The following EDC3 variants were observed in gnomAD, a reference collection of about 807,000 sequenced individuals.
EDC3 encodes enhancer of mRNA decapping 3, also known as enhancer of mRNA-decapping protein 3.
EDC3 carries 20 observed loss-of-function variants against 41.8 expected under a neutral mutation model. The ratio of observed to expected loss-of-function variants is 0.48; its 90% CI spans 0.34 to 0.70. The LOEUF (loss-of-function observed/expected upper bound fraction) is 0.70. Ranked by LOEUF, EDC3 falls within the 30% of genes least tolerant of loss-of-function variation. The probability of loss-of-function intolerance (pLI) is 0.01; values close to 1 mark genes in which losing one functional copy is unlikely to be tolerated. For missense variants in EDC3, 444 were observed against 636.8 expected (o/e 0.70, Z 3.26); for synonymous variants, 206 against 243.2 (o/e 0.85, Z 1.42).
chr15:74,648,159 ATTC>A (rs1313769116), intron 4 of EDC3, among the ~76,000 whole-genome samples: 7 of 152,348 alleles, frequency 4.6e-5, no homozygotes, highest in Admixed American at 1.3e-4. Flanking sequence ...TCCAGGTAAA[ATTC>A]TTCAGTGGCA....
At chr15:74,654,253 C>CAA (rs61594463) in intron 4 of EDC3, among the ~76,000 whole-genome samples, 16 of 96,694 alleles carry the variant, frequency 1.7e-4, no homozygotes, top group South Asian at 1.2e-3. Flanking sequence ...GACTTCGTCT[C>CAA]AAAAAAAAAA....
intron 2 of EDC3, among the ~76,000 whole-genome samples, chr15:74,673,837 C>CAAAAA (rs748537794): frequency 1.1e-4 from 5 of 47,248 alleles, no homozygotes; most frequent in Non-Finnish European, 1.4e-4. Context: ...GAGACTCCAT[C>CAAAAA]AAAAAAAAAA....
Position 74,654,437 on chromosome 15 carries a change from G to A in EDC3, c.820+1296C>T, listed in dbSNP as rs185691998. 2.1e-3 allele frequency among the ~76,000 whole-genome samples: 313 copies of A among 152,284 alleles called. 2 individuals carry two copies. The highest frequency in any genetic ancestry group is 6.8e-3 in the Middle Eastern group (2 of 294). ...CAGAGGTAGATAGTTGGCTGATCTGGAGGAGTACCAGACTTAACAGATGAT... is the reference window on the plus strand; with the variant it reads ...CAGAGGTAGATAGTTGGCTGATCTGAAGGAGTACCAGACTTAACAGATGAT... On this transcript the variant is annotated intron_variant, in intron 4 of 6. Coordinates refer to ENST00000315127, the MANE Select transcript of EDC3 (RefSeq NM_025083.5).
chr15:74,667,467 G>GA (rs1308720427), intron 3 of EDC3, among the ~76,000 whole-genome samples: 1 of 75,852 alleles, frequency 1.3e-5, no homozygotes, highest in Non-Finnish European at 2.6e-5. Flanking sequence ...GGAGGGGGTG[G>GA]AGGGAGGAGG....
chr15:74,632,326 C>T lies in EDC3; in HGVS notation c.*286G>A. The T allele has an allele frequency of 2.1e-6, 1 of 476,434 alleles. No individual in the cohort carries two copies. Among genetic ancestry groups the T allele is most frequent in the East Asian group, 3.9e-5 (1 of 25,784 alleles). The allele number at this position is 476,434 out of a possible 1,614,324, so 29.5% of individuals were successfully genotyped here. A position where few individuals can be genotyped will look rare whatever the true frequency, so the allele number is the denominator to read the frequency against. ...ACCTGAAACACAGTCTTGAGAGCTG[C>T]CTACGGCTGTAAACAAAGGCCCACC... is the stretch of plus-strand genomic sequence containing the variant. On this transcript the variant is annotated 3_prime_UTR_variant, in exon 7 of 7. Transcript: ENST00000315127. The surrounding 1 kb of genome is among the most constrained non-coding windows in gnomAD (Gnocchi z 4.0).
At chr15:74,681,642 T>C (rs527940723) in intron 1 of EDC3, among the ~76,000 whole-genome samples, 1 of 152,298 alleles carries the variant, frequency 6.6e-6, no homozygotes, top group South Asian at 2.1e-4. Flanking sequence ...GCAAAAACAA[T>C]TCAATGCAGG....
chr15:74,633,081 T>TGC, intron 6 of EDC3, 135 bp from the exon 7 acceptor site: 1 of 978,802 alleles, frequency 1.0e-6, no homozygotes, highest in Non-Finnish European at 1.5e-6. Flanking sequence ...AGGCTGGCCT[T>TGC]CTTAAAGCTG....
intron 1 of EDC3, among the ~76,000 whole-genome samples, chr15:74,691,661 C>T (rs2063008949): frequency 1.3e-5 from 2 of 152,122 alleles, no homozygotes; most frequent in Admixed American, 6.6e-5. Context: ...GTGTGGATAA[C>T]TAGATGATCA....
At chr15:74,637,864 A>G (rs778541159) in intron 5 of EDC3, 1 of 152,188 alleles carries the variant, frequency 6.6e-6, no homozygotes, top group Non-Finnish European at 1.5e-5. Flanking sequence ...GCAACATCCT[A>G]TCATGTGAGG....
chr15:74,652,835 C>T (rs2062498044), intron 4 of EDC3, among the ~76,000 whole-genome samples: 1 of 151,980 alleles, frequency 6.6e-6, no homozygotes, highest in Admixed American at 6.5e-5. Context: ...CCACCTTGGC[C>T]TCCCGAAGTG....
At chr15:74,686,513 G>T (rs941811742) in intron 1 of EDC3, among the ~76,000 whole-genome samples, 1 of 151,474 alleles carries the variant, frequency 6.6e-6, no homozygotes, top group Admixed American at 6.6e-5. Flanking sequence ...GGCCAGCCAC[G>T]GTGGCTCACT....
rs1012943715 is a variant in EDC3 at position 74,631,168 on chromosome 15, T to C, written c.*1444A>G. ...ACCCTGGCTCATCTGCTTCTGGCTATGTTCCTACAAGGGAAGTGATAACAG... is the reference window on the plus strand; with the variant it reads ...ACCCTGGCTCATCTGCTTCTGGCTACGTTCCTACAAGGGAAGTGATAACAG... On this transcript the variant is annotated 3_prime_UTR_variant, in exon 7 of 7. Transcript: ENST00000315127. The C allele has an allele frequency of 2.0e-5, 3 of 152,308 alleles. No individual in the cohort carries two copies. Among genetic ancestry groups the C allele is most frequent in the Non-Finnish European group, 4.4e-5 (3 of 68,098 alleles). The allele number at this position is 152,308 out of a possible 1,614,324, so 9.4% of individuals were successfully genotyped here.
intron 1 of EDC3, among the ~76,000 whole-genome samples, chr15:74,691,338 T>C (rs373375626): frequency 2.6e-5 from 4 of 152,156 alleles, no homozygotes; most frequent in East Asian, 3.9e-4. Context: ...TATGGATTAT[T>C]TTAAGATACT....
At chr15:74,652,339 C>T (rs767292699) in intron 4 of EDC3, among the ~76,000 whole-genome samples, 2 of 151,666 alleles carry the variant, frequency 1.3e-5, no homozygotes, top group South Asian at 2.1e-4. Flanking sequence ...GCCATTCTCC[C>T]GCCTCAGCCT....
At chr15:74,686,102 G>A (rs746037906) in intron 1 of EDC3, among the ~76,000 whole-genome samples, 1 of 151,992 alleles carries the variant, frequency 6.6e-6, no homozygotes, top group Non-Finnish European at 1.5e-5. Context: ...TGAGGCAGGT[G>A]GATCACAAGG....
chr15:74,641,309 G>C (rs577254547), intron 4 of EDC3: 3 of 152,322 alleles, frequency 2.0e-5, no homozygotes, highest in African/African-American at 7.2e-5. Context: ...GCTATGGCTG[G>C]CTTTAAAAAA....
intron 1 of EDC3, among the ~76,000 whole-genome samples, chr15:74,678,412 T>C (rs1241014356): frequency 1.3e-5 from 2 of 152,158 alleles, no homozygotes. Context: ...ATAAAGTCTA[T>C]TTAATAGAAA....
rs1242273366 is a variant in EDC3, at chr15:74,631,907, G to A, written c.*705C>T. 6.5e-6 allele frequency: 1 copy of A among 153,060 alleles called. No individual in the cohort carries two copies. Among genetic ancestry groups the A allele is most frequent in the African/African-American group, 2.4e-5 (1 of 41,442 alleles). The allele number at this position is 153,060 out of a possible 1,614,324, so 9.5% of individuals were successfully genotyped here. Reference sequence around the variant, plus strand: ...ATAACCTTATACTACCTGTGCTGAAGACGACAGAACAACATAAAATCCCAA... The same window carrying A: ...ATAACCTTATACTACCTGTGCTGAAAACGACAGAACAACATAAAATCCCAA... On this transcript the variant is annotated 3_prime_UTR_variant, in exon 7 of 7. Coordinates refer to ENST00000315127, the MANE Select transcript of EDC3 (RefSeq NM_025083.5).
intron 3 of EDC3, 40 bp from the exon 4 acceptor site, chr15:74,656,108 A>G: frequency 6.4e-7 from 1 of 1,552,584 alleles, no homozygotes; most frequent in East Asian, 2.3e-5. Context: ...GTATCCACAG[A>G]AAGCGCTCAG....
Sources: gnomAD v4.1 joint callset for allele counts (sites outside exome capture counted in the v4.1 genomes callset) on GRCh38, gnomAD v4.1.1 for gene constraint, Gnocchi (gnomAD v3.1) non-coding constraint, MANE v1.5 for transcripts, NCBI Gene and HGNC (gene_info 2026-07-23, HGNC 2026-07-21) for gene names.